PCDH11X: variants seen among roughly 807,000 people sequenced by gnomAD.
PCDH11X encodes the protein protocadherin 11 X-linked.
A neutral mutation model predicts 53.3 loss-of-function variants in PCDH11X; 18 were observed. That is an observed-to-expected ratio of 0.34 (90% CI 0.23 to 0.50). PCDH11X has a LOEUF of 0.50. Ranked by LOEUF, PCDH11X falls within the 20% of genes least tolerant of loss-of-function variation. The pLI, the probability that PCDH11X is intolerant of heterozygous loss-of-function variation, is 0.98. For synonymous variants in PCDH11X, 279 were observed against 393.3 expected (o/e 0.71, Z 3.44); for missense variants, 570 against 1,032.4 (o/e 0.55, Z 6.14).
At chrX:92,149,689 G>A (rs984182834) in intron 6 of PCDH11X, among the ~76,000 whole-genome samples, 3 of 110,963 alleles carry the variant, frequency 2.7e-5, no homozygotes, top group African/African-American at 9.8e-5. Context: ...CCATAGTCAT[G>A]ATAATTAACA....
At chrX:92,124,374 T>C (rs1253666579) in intron 6 of PCDH11X, among the ~76,000 whole-genome samples, 1 of 109,372 alleles carries the variant, frequency 9.1e-6, no homozygotes, top group Non-Finnish European at 1.9e-5. Flanking sequence ...AGAGAAACCC[T>C]GTCTCTACTA....
chrX:92,092,066 T>C (rs6618850), intron 6 of PCDH11X, among the ~76,000 whole-genome samples: 32,965 of 110,490 alleles, frequency 0.3, 5,480 homozygotes, highest in African/African-American at 0.62. Flanking sequence ...GGAAAGTAAG[T>C]CAAGATATAC....
At chrX:91,914,361 G>T (rs1005510798) in intron 6 of PCDH11X, among the ~76,000 whole-genome samples, 1 of 110,983 alleles carries the variant, frequency 9.0e-6, no homozygotes, top group Admixed American at 9.6e-5. Context: ...ACCCCCAAAA[G>T]ATCACACCAG....
chrX:92,059,507 A>G (rs2063496594), intron 6 of PCDH11X, among the ~76,000 whole-genome samples: 1 of 111,085 alleles, frequency 9.0e-6, no homozygotes. Flanking sequence ...AGGCCTGTAT[A>G]TGCTTACAAT....
At chrX:92,101,960 G>C (rs1365041585) in intron 6 of PCDH11X, among the ~76,000 whole-genome samples, 1 of 111,994 alleles carries the variant, frequency 8.9e-6, no homozygotes, top group African/African-American at 3.3e-5. Context: ...TGCCTTTGCT[G>C]GTATGTGGCG....
intron 8 of PCDH11X, among the ~76,000 whole-genome samples, chrX:92,302,746 A>G (rs1431860752): frequency 9.3e-6 from 1 of 107,554 alleles, no homozygotes; most frequent in Non-Finnish European, 1.9e-5. Context: ...GTTTTAAAGA[A>G]TAGTTCCAGA....
chrX:92,355,680 G>A (rs1336831026), intron 8 of PCDH11X, among the ~76,000 whole-genome samples: 1 of 106,404 alleles, frequency 9.4e-6, no homozygotes, highest in Non-Finnish European at 1.9e-5. Context: ...AAATATCATA[G>A]GAGCTATTAT....
At chrX:92,444,106 G>A (rs1374049229) in intron 9 of PCDH11X, among the ~76,000 whole-genome samples, 1 of 110,703 alleles carries the variant, frequency 9.0e-6, no homozygotes, top group African/African-American at 3.3e-5. Flanking sequence ...TGTTGAATCT[G>A]TAAATTGCTT....
intron 6 of PCDH11X, among the ~76,000 whole-genome samples, chrX:92,162,098 T>C (rs375245373): frequency 1.1e-5 from 1 of 89,268 alleles, no homozygotes; most frequent in African/African-American, 4.2e-5. Flanking sequence ...AAAAACCTTG[T>C]TTTGTCATAT....
At chrX:92,083,107 A>T (rs1323850322) in intron 6 of PCDH11X, among the ~76,000 whole-genome samples, 1 of 111,567 alleles carries the variant, frequency 9.0e-6, no homozygotes, top group Non-Finnish European at 1.9e-5. Context: ...ATCACACTTA[A>T]CCCTGTAATA....
intron 6 of PCDH11X, among the ~76,000 whole-genome samples, chrX:92,090,169 TTGCTAAGAGTTGTAAC>T (rs1263275540): frequency 9.0e-6 from 1 of 111,499 alleles, no homozygotes; most frequent in African/African-American, 3.3e-5. Flanking sequence ...TTGTGTGGCA[TTGCTAAGAGTTGTAAC>T]TGTTGGAAAT....
At chrX:92,544,265 A>G (rs1416791824) in intron 10 of PCDH11X, among the ~76,000 whole-genome samples, 1 of 112,087 alleles carries the variant, frequency 8.9e-6, no homozygotes. Flanking sequence ...GTACCATTTT[A>G]AGAAGCTAGC....
At chrX:92,182,078 G>T (rs955619702) in intron 6 of PCDH11X, among the ~76,000 whole-genome samples, 1 of 112,295 alleles carries the variant, frequency 8.9e-6, no homozygotes, top group Non-Finnish European at 1.9e-5. Flanking sequence ...AGCAGCTGGA[G>T]GGAGGCTGTA....
At chrX:91,911,998 A>G (rs1245114285) in intron 6 of PCDH11X, among the ~76,000 whole-genome samples, 1 of 111,245 alleles carries the variant, frequency 9.0e-6, no homozygotes, top group African/African-American at 3.3e-5. Context: ...GAGATCTTTA[A>G]CTTCTTTAAA....
intron 6 of PCDH11X, among the ~76,000 whole-genome samples, chrX:92,177,616 T>C (rs1012600185): frequency 9.0e-6 from 1 of 111,638 alleles, no homozygotes; most frequent in Non-Finnish European, 1.9e-5. Flanking sequence ...TGGAAACATA[T>C]TTTGAAGTAC....
intron 9 of PCDH11X, among the ~76,000 whole-genome samples, chrX:92,467,709 G>A (rs1233462067): frequency 9.0e-6 from 1 of 111,049 alleles, no homozygotes; most frequent in East Asian, 2.8e-4. Flanking sequence ...TCCTAATTGT[G>A]AGAAATAATA....
chrX:92,157,627 A>G (rs1448196522), intron 6 of PCDH11X, among the ~76,000 whole-genome samples: 1 of 111,933 alleles, frequency 8.9e-6, no homozygotes, highest in African/African-American at 3.2e-5. Flanking sequence ...TGACATTTAC[A>G]TTAAAATGAA....
chrX:92,456,892 A>G (rs931073899), intron 9 of PCDH11X, among the ~76,000 whole-genome samples: 4 of 107,194 alleles, frequency 3.7e-5, no homozygotes, highest in Admixed American at 1.0e-4. Context: ...GTTTCACCAC[A>G]TGGAAAATGT....
At chrX:92,460,804 G>A (rs1188373038) in intron 9 of PCDH11X, 5 of 1,141,910 alleles carry the variant, frequency 4.4e-6, no homozygotes, top group Non-Finnish European at 5.9e-6. Context: ...ACCTACCGCC[G>A]CCTGCTGGAA....
Sources: allele counts gnomAD v4.1 joint callset (sites outside exome capture counted in the v4.1 genomes callset), GRCh38; gene constraint gnomAD v4.1.1; transcripts MANE v1.5; gene names NCBI Gene and HGNC (gene_info 2026-07-23, HGNC 2026-07-21).